Variants in FBXW7 observed in about 807,000 individuals in gnomAD.
FBXW7 encodes F-box/WD repeat-containing protein 7.
A neutral mutation model predicts 86.3 loss-of-function variants in FBXW7; 11 were observed. The ratio of observed to expected loss-of-function variants is 0.13; its 90% CI spans 0.08 to 0.21. The LOEUF (loss-of-function observed/expected upper bound fraction) is 0.21, where lower values mean the gene tolerates loss of function less well. FBXW7 is among the 10% of genes least tolerant of loss of function. The pLI is 1.00. For missense variants in FBXW7, 488 were observed against 847.4 expected (o/e 0.58, Z 5.27); for synonymous variants, 313 against 297.9 (o/e 1.05, Z -0.52).
At position 152,480,122 on chromosome 4, in the gene FBXW7, TTTGTGCAAC is replaced by T. The variant is rs1553992156; in HGVS notation, c.-120+54810_-120+54818del. Reference sequence around the variant, plus strand: ...TATTGTGGATTTTACAAAATAATGGTTTGTGCAACCCTGCATTGGGCAAGTCTATTTGGT... The same window carrying T: ...TATTGTGGATTTTACAAAATAATGGTCCTGCATTGGGCAAGTCTATTTGGT... On this transcript the variant is annotated intron_variant, in intron 2 of 13. Transcript: ENST00000281708. 3.9e-4 allele frequency among the ~76,000 whole-genome samples: 60 copies of T among 152,310 alleles called. 1 individual carries two copies. The highest frequency in any genetic ancestry group is 2.9e-3 in the South Asian group (14 of 4,822).
intron 2 of FBXW7, among the ~76,000 whole-genome samples, chr4:152,426,654 A>G (rs1739413931): frequency 6.6e-6 from 1 of 152,196 alleles, no homozygotes; most frequent in South Asian, 2.1e-4. Flanking sequence ...GATCCCCCCA[A>G]ATAACCGGCC....
At chr4:152,330,292 T>C (rs978701120) in intron 9 of FBXW7, among the ~76,000 whole-genome samples, 2 of 151,960 alleles carry the variant, frequency 1.3e-5, no homozygotes, top group African/African-American at 4.8e-5. Context: ...CCATTCTTTA[T>C]GTATTTGAAA....
chr4:152,517,297 T>C (rs1748585515), intron 2 of FBXW7, among the ~76,000 whole-genome samples: 1 of 152,136 alleles, frequency 6.6e-6, no homozygotes, highest in African/African-American at 2.4e-5. Flanking sequence ...AGAACTTCGG[T>C]AAACTCGACT....
At position 152,333,895 on chromosome 4, in the gene FBXW7, A is replaced by C. The variant is rs1729812671; in HGVS notation, c.862-1176T>G. Among the ~76,000 whole-genome samples the C allele has an allele frequency of 8.6e-5, 13 of 152,032 alleles. No individual in the cohort carries two copies. The South Asian group carries it at 2.7e-3, about 32-fold the overall frequency. The stretch of plus-strand genomic sequence containing the variant: ...ATGGTGAAACCCCATCTCTACTAAA[A>C]ATACAAAAATTAGCCAGGTGTGGTG... On this transcript the variant is annotated intron_variant, in intron 7 of 13. Coordinates refer to ENST00000281708, the MANE Select transcript of FBXW7 (RefSeq NM_001349798.2).
chr4:152,394,891 C>T (rs1286277468), intron 4 of FBXW7, among the ~76,000 whole-genome samples: 2 of 152,010 alleles, frequency 1.3e-5, no homozygotes, highest in African/African-American at 2.4e-5. Flanking sequence ...AAAATCCCCC[C>T]GTAGTTTGAC....
At chr4:152,394,753 AT>A (rs1343437835) in intron 4 of FBXW7, among the ~76,000 whole-genome samples, 1 of 152,186 alleles carries the variant, frequency 6.6e-6, no homozygotes, top group African/African-American at 2.4e-5. Context: ...AGTACTTTGC[AT>A]ACATTACCTC....
At chr4:152,472,698 T>C (rs1471005891) in intron 2 of FBXW7, among the ~76,000 whole-genome samples, 1 of 152,226 alleles carries the variant, frequency 6.6e-6, no homozygotes, top group Non-Finnish European at 1.5e-5. Context: ...ATCTGGGTTG[T>C]GGTTACAAAA....
At position 152,535,697 on chromosome 4, in the gene FBXW7, G is replaced by GC. The variant is rs1750486985; in HGVS notation, c.-784dup. 3 of 395,698 alleles carry GC rather than the reference G, an allele frequency of 7.6e-6. No homozygotes were observed. The highest frequency in any genetic ancestry group is 1.3e-4 in the South Asian group (1 of 7,932). 24.5% of individuals were successfully genotyped at this position (395,698 alleles called of 1,614,324 possible). On this transcript the variant is annotated 5_prime_UTR_variant, in exon 1 of 14. Coordinates refer to ENST00000281708, the MANE Select transcript of FBXW7 (RefSeq NM_001349798.2). ...CTACACCTTGGGGGTCTCGCCCCACGCCCCACGGGACGAGGCAGAAGCTCT... is the reference window on the plus strand; with the variant it reads ...CTACACCTTGGGGGTCTCGCCCCACGCCCCCACGGGACGAGGCAGAAGCTCT...
chr4:152,382,227 T>C lies in FBXW7; in HGVS notation c.501+29076A>G. ...AAAGGGAGGCCTTGGGCAATGATGC[T>C]AATGCTAAATATCTTCATCACAGTT... On this transcript the variant is annotated intron_variant, in intron 4 of 13. Transcript: ENST00000281708. 4 of 1,587,596 alleles carry C rather than the reference T, an allele frequency of 2.5e-6. No individual in the cohort carries two copies. In the Middle Eastern group the frequency reaches 6.7e-4, roughly 265 times the overall value.
At chr4:152,482,408 C>T (rs935766877) in intron 2 of FBXW7, among the ~76,000 whole-genome samples, 2 of 152,220 alleles carry the variant, frequency 1.3e-5, no homozygotes, top group Middle Eastern at 3.4e-3. Flanking sequence ...GGTCTGGAAC[C>T]GAATCCACAA....
intron 4 of FBXW7, among the ~76,000 whole-genome samples, chr4:152,369,310 T>C (rs1432187005): frequency 3.3e-5 from 5 of 152,074 alleles, no homozygotes; most frequent in Non-Finnish European, 7.4e-5. Flanking sequence ...GCTTAGTAAG[T>C]GGTACAGCAA....
At chr4:152,397,518 T>C (rs1239428329) in intron 4 of FBXW7, among the ~76,000 whole-genome samples, 1 of 151,866 alleles carries the variant, frequency 6.6e-6, no homozygotes, top group African/African-American at 2.4e-5. Context: ...AACCATCCTC[T>C]TGCCTCATAT....
intron 2 of FBXW7, among the ~76,000 whole-genome samples, chr4:152,502,950 C>T (rs1459096366): frequency 2.0e-5 from 3 of 152,142 alleles, no homozygotes; most frequent in Non-Finnish European, 2.9e-5. Flanking sequence ...GTACAACAAA[C>T]GTGTTTAAAA....
chr4:152,516,974 T>A (rs1327683510), intron 2 of FBXW7, among the ~76,000 whole-genome samples: 1 of 152,110 alleles, frequency 6.6e-6, no homozygotes, highest in Admixed American at 6.6e-5. Flanking sequence ...TACAGGCAAG[T>A]GCCACTACAC....
intron 2 of FBXW7, among the ~76,000 whole-genome samples, chr4:152,419,494 A>AACAC (rs57894523): frequency 0.041 from 5,004 of 123,274 alleles, 187 homozygotes; most frequent in African/African-American, 0.099. Context: ...GGATAAGGTA[A>AACAC]ACACACACAC....
intron 2 of FBXW7, among the ~76,000 whole-genome samples, chr4:152,447,587 C>A (rs1300607689): frequency 6.6e-6 from 1 of 152,136 alleles, no homozygotes; most frequent in African/African-American, 2.4e-5. Context: ...AAAATAATCA[C>A]TTTGAAATTT....
At position 152,413,064 on chromosome 4, in the gene FBXW7, A is replaced by T. The variant is rs1242076799; in HGVS notation, c.-119-535T>A. On this transcript the variant is annotated intron_variant, in intron 2 of 13. Transcript: ENST00000281708. ...ACATGTTGTGCACACACAAGAAATT[A>T]TGCACCCGTGATCTAAAACTTGAAA... Among the ~76,000 whole-genome samples, 3 of 152,090 alleles carry T rather than the reference A, an allele frequency of 2.0e-5. No individual in the cohort carries two copies. The South Asian group carries it at 6.2e-4, about 31-fold the overall frequency.
chr4:152,334,271 C>CTA (rs1198052034), intron 7 of FBXW7, among the ~76,000 whole-genome samples: 1 of 152,082 alleles, frequency 6.6e-6, no homozygotes, highest in East Asian at 1.9e-4. Flanking sequence ...AAAGGTGTAA[C>CTA]TATATTCAAC....
chr4:152,472,514 G>A lies in FBXW7; in HGVS notation c.-119-59985C>T, dbSNP rs552403813. Among the ~76,000 whole-genome samples the A allele has an allele frequency of 2.4e-3, 367 of 152,162 alleles. 2 individuals are homozygous for A. Among genetic ancestry groups the A allele is most frequent in the African/African-American group, 7.3e-3 (302 of 41,516 alleles). On this transcript the variant is annotated intron_variant, in intron 2 of 13. Coordinates refer to ENST00000281708, the MANE Select transcript of FBXW7 (RefSeq NM_001349798.2). ...CCATCTCAAAAACATACTGCTGTGG[G>A]AAAGAAGCCAGTTTGAAAAAACTTA...
Sources: gnomAD v4.1 joint callset for allele counts (sites outside exome capture counted in the v4.1 genomes callset) on GRCh38, gnomAD v4.1.1 for gene constraint, MANE v1.5 for transcripts, NCBI Gene and HGNC (gene_info 2026-07-23, HGNC 2026-07-21) for gene names.